The following PPM1F variants were observed in gnomAD, a reference collection of about 807,000 sequenced individuals.
PPM1F encodes protein phosphatase, Mg2+/Mn2+ dependent 1F, also known as protein phosphatase 1F.
PPM1F carries 17 observed loss-of-function variants against 35.5 expected under a neutral mutation model. That is an observed-to-expected ratio of 0.48 (90% CI 0.33 to 0.72). The LOEUF (loss-of-function observed/expected upper bound fraction) is 0.72, where lower values mean the gene tolerates loss of function less well. PPM1F is among the 30% of genes least tolerant of loss of function. The probability of loss-of-function intolerance (pLI) is 0.02; values close to 1 mark genes in which losing one functional copy is unlikely to be tolerated. For synonymous variants in PPM1F, 241 were observed against 255.5 expected, an observed-to-expected ratio of 0.94 and a Z score of 0.54; for missense variants, 521 against 613.0, an observed-to-expected ratio of 0.85 and a Z score of 1.59.
At chr22:21,926,375 A>C (rs2070515774) in intron 6 of PPM1F, among the ~76,000 whole-genome samples, 1 of 151,346 alleles carries the variant, frequency 6.6e-6, no homozygotes, top group South Asian at 2.1e-4. Context: ...CTCATGATCC[A>C]CCCTCCTCGG....
At position 21,945,914 on chromosome 22, in the gene PPM1F, TG is replaced by T. The variant is rs767895526; in HGVS notation, c.134del (p.Pro45GlnfsTer73). 2 of 1,612,884 alleles carry T rather than the reference TG, an allele frequency of 1.2e-6. No homozygotes were observed. Among genetic ancestry groups the T allele is most frequent in the Non-Finnish European group, 1.7e-6 (2 of 1,179,670 alleles). ...NPEDPLPWKAPGTVLSQEEVE... is the reference protein window; with the variant it reads ...NPEDPLPWKAXGTVLSQEEVE... Reference sequence around the variant, plus strand: ...CCTCCTCCTGGCTGAGCACCGTCCCTGGGGCCTTCCATGGCAGAGGGTCCTC... The same window carrying T: ...CCTCCTCCTGGCTGAGCACCGTCCCTGGGCCTTCCATGGCAGAGGGTCCTC... On this transcript the variant is annotated frameshift_variant, in exon 2 of 8. Coordinates refer to ENST00000263212, the MANE Select transcript of PPM1F (RefSeq NM_014634.4). LOFTEE classifies it high-confidence loss of function.
chr22:21,947,689 T>C (rs1192584196), intron 1 of PPM1F: 1 of 152,156 alleles, frequency 6.6e-6, no homozygotes, highest in Non-Finnish European at 1.5e-5. Flanking sequence ...AGTCTTAGAA[T>C]AGCCACAGAC....
chr22:21,927,938 T>C (rs1569126597), intron 6 of PPM1F, among the ~76,000 whole-genome samples: 2 of 123,594 alleles, frequency 1.6e-5, no homozygotes, highest in African/African-American at 6.7e-5. Context: ...CTGTTTTTTG[T>C]TTTGTTTTTT....
At chr22:21,935,194 C>T (rs1205547278) in intron 3 of PPM1F, 1 of 152,208 alleles carries the variant, frequency 6.6e-6, no homozygotes, top group Non-Finnish European at 1.5e-5. Flanking sequence ...AGAATGAACT[C>T]CTGATGCATC....
chr22:21,948,306 C>CCG lies in PPM1F; in HGVS notation c.-60-2199_-60-2198insCG, dbSNP rs1329996983. The stretch of plus-strand genomic sequence containing the variant: ...GCCTGGGCAGTGAGATCGCCACCCC[C>CCG]CCCCCACCCCCCATCTCTACCAAAA... On this transcript the variant is annotated intron_variant, in intron 1 of 7. Transcript: ENST00000263212. The CCG allele has an allele frequency of 5.9e-5, 7 of 118,442 alleles. 2 individuals carry two copies. In the East Asian group the frequency reaches 1.9e-3, roughly 33 times the overall value. The allele number at this position is 118,442 out of a possible 1,614,324, so 7.3% of individuals were successfully genotyped here. A position where few individuals can be genotyped will look rare whatever the true frequency, so the allele number is the denominator to read the frequency against.
intron 1 of PPM1F, chr22:21,948,301 A>ACCC (rs57323653): frequency 5.2e-4 from 30 of 58,192 alleles, no homozygotes; most frequent in African/African-American, 1.6e-3. Flanking sequence ...TGAGATCGCC[A>ACCC]CCCCCCCCCC....
intron 7 of PPM1F, chr22:21,924,862 C>G (rs2070492985): frequency 1.3e-5 from 2 of 151,876 alleles, no homozygotes; most frequent in African/African-American, 2.4e-5. Context: ...AGCCAGCATG[C>G]CCAGCCAGAC....
chr22:21,938,206 G>A, intron 3 of PPM1F: 1 of 1,303,238 alleles, frequency 7.7e-7, no homozygotes. Flanking sequence ...CTTCTCACCG[G>A]CAGGTGGCGC....
rs867831983 is a variant in PPM1F, at chr22:21,938,354, G to A, written c.355+1178C>T. 157 of 1,184,982 alleles carry A rather than the reference G, an allele frequency of 1.3e-4. 1 individual carries two copies. The highest frequency in any genetic ancestry group is 7.6e-4 in the Middle Eastern group (2 of 2,626). 73.4% of individuals were successfully genotyped at this position (1,184,982 alleles called of 1,614,324 possible). ...GCCTGCTGGCTCGGCCGAGAACAAT[G>A]GCCGCCTGTCACTGTGGACAGCTGT... is the stretch of plus-strand genomic sequence containing the variant. On this transcript the variant is annotated intron_variant, in intron 3 of 7. Transcript: ENST00000263212.
At chr22:21,945,801 G>A (rs756453367) in intron 2 of PPM1F, 42 bp downstream of exon 2, 30 of 1,586,490 alleles carry the variant, frequency 1.9e-5, no homozygotes, top group Non-Finnish European at 2.4e-5. Context: ...CCCTGGTGCC[G>A]TGCCCTTACT....
chr22:21,927,949 T>TTG (rs1206615315), intron 6 of PPM1F, among the ~76,000 whole-genome samples: 10 of 59,622 alleles, frequency 1.7e-4, no homozygotes, highest in African/African-American at 5.2e-4. Context: ...TTTGTTTTTT[T>TTG]TTTTTTTTTT....
intron 3 of PPM1F, chr22:21,934,775 C>G (rs1463273325): frequency 6.6e-6 from 1 of 150,968 alleles, no homozygotes; most frequent in East Asian, 2.0e-4. Context: ...ATCCCAGCTA[C>G]TCGGGAGGCT....
chr22:21,938,061 G>T lies in PPM1F; in HGVS notation c.355+1471C>A. 4.0e-6 allele frequency: 5 copies of T among 1,256,436 alleles called. No homozygotes were observed. The South Asian group carries it at 6.5e-5, about 16-fold the overall frequency. 77.8% of individuals were successfully genotyped at this position (1,256,436 alleles called of 1,614,324 possible). A position where few individuals can be genotyped will look rare whatever the true frequency, so the allele number is the denominator to read the frequency against. ...GAGCATGATCAAGGCCGCTAGGCAG[G>T]CCTGCATGCGAGGCACTCTGACAGA... On this transcript the variant is annotated intron_variant, in intron 3 of 7. Coordinates refer to ENST00000263212, the MANE Select transcript of PPM1F (RefSeq NM_014634.4).
At position 21,934,152 on chromosome 22, in the gene PPM1F, C is replaced by G. The variant is rs1165941679; in HGVS notation, c.430G>C (p.Val144Leu). Reference protein sequence around the residue: ...WEVAGQWQKQVPLAARASQRQ... With the variant: ...WEVAGQWQKQLPLAARASQRQ... ...TGTGAGGCCCGGGCAGCCAATGGCA[C>G]CTGCTTCTGCCACTGGCCGGCGACT... Residue 144 changes from valine to leucine, a missense_variant, in exon 4 of 8, where the codon GTG becomes CTG. Physicochemically the swap from Val to Leu is conservative, Grantham distance 32 (BLOSUM62 1). Coordinates refer to ENST00000263212, the MANE Select transcript of PPM1F (RefSeq NM_014634.4). The G allele has an allele frequency of 7.6e-6, 12 of 1,576,834 alleles. No homozygotes were observed. The highest frequency in any genetic ancestry group is 1.0e-5 in the Non-Finnish European group (12 of 1,161,342).
rs565059201 is a variant in PPM1F at position 21,939,356 on chromosome 22, C to T, written c.355+176G>A. Reference sequence around the variant, plus strand: ...TATATGACCTGTGGAGGGCTGTGACCGCCACCCTCCACCTCACTGGGGCCG... The same window carrying T: ...TATATGACCTGTGGAGGGCTGTGACTGCCACCCTCCACCTCACTGGGGCCG... On this transcript the variant is annotated intron_variant, in intron 3 of 7. Transcript: ENST00000263212. The surrounding 1 kb of genome is among the most constrained non-coding windows in gnomAD (Gnocchi z 5.1). 3.9e-5 allele frequency: 32 copies of T among 821,662 alleles called. 1 individual carries two copies. Among genetic ancestry groups the T allele is most frequent in the African/African-American group, 3.1e-4 (18 of 57,826 alleles). The allele number at this position is 821,662 out of a possible 1,614,324, so 50.9% of individuals were successfully genotyped here.
At chr22:21,929,482 G>A (rs532464474) in intron 6 of PPM1F, among the ~76,000 whole-genome samples, 2 of 152,334 alleles carry the variant, frequency 1.3e-5, no homozygotes, top group South Asian at 2.1e-4. Context: ...CTGCCACGAC[G>A]CCATACTGCA....
chr22:21,920,263 G>C lies in PPM1F; in HGVS notation c.*2829C>G, dbSNP rs778971194. 2 of 152,602 alleles carry C rather than the reference G, an allele frequency of 1.3e-5. No homozygotes were observed. The highest frequency in any genetic ancestry group is 4.8e-5 in the African/African-American group (2 of 41,432). 9.5% of individuals were successfully genotyped at this position (152,602 alleles called of 1,614,324 possible). ...CACCCACAGCGTTCTAGGAGGTCGCGGCCTCTGCAGACTCAGTGCAACCCC... is the reference window on the plus strand; with the variant it reads ...CACCCACAGCGTTCTAGGAGGTCGCCGCCTCTGCAGACTCAGTGCAACCCC... On this transcript the variant is annotated 3_prime_UTR_variant, in exon 8 of 8. Transcript: ENST00000263212.
chr22:21,950,313 T>C (rs1467674450), intron 1 of PPM1F: 1 of 152,072 alleles, frequency 6.6e-6, no homozygotes, highest in African/African-American at 2.4e-5. Flanking sequence ...TTTGCTGAAA[T>C]CTCCCCATCT....
chr22:21,925,960 G>C (rs181896196), intron 6 of PPM1F: 8 of 347,516 alleles, frequency 2.3e-5, no homozygotes, highest in Admixed American at 4.4e-5. Context: ...AGGCACTCAC[G>C]AGGCTTGCGA....
Sources: gnomAD v4.1 joint callset for allele counts (sites outside exome capture counted in the v4.1 genomes callset) on GRCh38, gnomAD v4.1.1 for gene constraint, Gnocchi (gnomAD v3.1) non-coding constraint, MANE v1.5 for transcripts, NCBI Gene and HGNC (gene_info 2026-07-23, HGNC 2026-07-21) for gene names.